VRK1: variants seen among roughly 807,000 people sequenced by gnomAD.
The protein encoded by VRK1 is VRK serine/threonine kinase 1.
In VRK1, 33 loss-of-function variants were observed where a neutral mutation model predicts 57.1. The ratio of observed to expected loss-of-function variants is 0.58; its 90% CI spans 0.44 to 0.77. The LOEUF (loss-of-function observed/expected upper bound fraction) is 0.77. Among genes scored for constraint, VRK1 ranks in the 30% least tolerant of loss-of-function variants. VRK1 has a pLI of 0.00. For synonymous variants in VRK1, 137 were observed against 147.8 expected, an observed-to-expected ratio of 0.93 and a Z score of 0.53; for missense variants, 413 against 477.3, an observed-to-expected ratio of 0.87 and a Z score of 1.25.
chr14:96,856,106 A>G (rs752341924), intron 8 of VRK1, 24 bp from the exon 9 acceptor site: 7 of 1,612,736 alleles, frequency 4.3e-6, no homozygotes, highest in East Asian at 2.2e-5. Flanking sequence ...CAGTCTACCT[A>G]ATGTTCTTCT....
intron 3 of VRK1, among the ~76,000 whole-genome samples, chr14:96,845,464 A>G (rs532763493): frequency 6.6e-6 from 1 of 152,346 alleles, no homozygotes; most frequent in African/African-American, 2.4e-5. Context: ...CATAAAATGA[A>G]TGTAGTCCAT....
intron 1 of VRK1, among the ~76,000 whole-genome samples, chr14:96,816,664 T>C (rs974865208): frequency 6.6e-5 from 10 of 152,110 alleles, no homozygotes; most frequent in Non-Finnish European, 1.3e-4. Flanking sequence ...GTAGAGTAAT[T>C]TGAGCAACAA....
At chr14:96,837,519 T>G (rs1319121875) in intron 2 of VRK1, among the ~76,000 whole-genome samples, 1 of 152,190 alleles carries the variant, frequency 6.6e-6, no homozygotes, top group Non-Finnish European at 1.5e-5. Flanking sequence ...TAACTCAGTT[T>G]CCCATATGTA....
At chr14:96,879,093 C>A (rs1403048961) in intron 12 of VRK1, among the ~76,000 whole-genome samples, 1 of 151,462 alleles carries the variant, frequency 6.6e-6, no homozygotes, top group Non-Finnish European at 1.5e-5. Context: ...CTTTTTTTTT[C>A]CTACTGCATT....
rs2230532 is a variant in VRK1 at position 96,855,352 on chromosome 14, C to T, written c.705C>T (p.Gly235=). The T allele has an allele frequency of 0.36, 582,695 of 1,613,562 alleles. 113,086 individuals carry two copies. The highest frequency in any genetic ancestry group is 0.83 in the East Asian group (37,403 of 44,854). The change falls in exon 8 of 13, where the codon GGC becomes GGT. Residue 235 remains glycine (G), a synonymous_variant. Coordinates refer to ENST00000216639, the MANE Select transcript of VRK1 (RefSeq NM_003384.3). ...IEFTSIDAHN[G]VAPSRRGDLE... ...TCACGAGCATCGATGCACACAATGG[C>T]GTGGGTATGTCAGTAGTACTGGAGT...
At chr14:96,845,510 GT>G (rs1887645973) in intron 3 of VRK1, among the ~76,000 whole-genome samples, 1 of 152,164 alleles carries the variant, frequency 6.6e-6, no homozygotes, top group African/African-American at 2.4e-5. Context: ...TGAGCCCCAT[GT>G]TTGGTTTGAC....
chr14:96,821,970 T>C (rs1886616015), intron 1 of VRK1, among the ~76,000 whole-genome samples: 1 of 50,384 alleles, frequency 2.0e-5, no homozygotes, highest in Non-Finnish European at 4.0e-5. Flanking sequence ...ATTCTCTCAC[T>C]TTTTTTTTTT....
At chr14:96,799,384 T>A (rs1306898554) in intron 1 of VRK1, among the ~76,000 whole-genome samples, 1 of 152,088 alleles carries the variant, frequency 6.6e-6, no homozygotes, top group Non-Finnish European at 1.5e-5. Flanking sequence ...AAGTGAAATG[T>A]CCCAGATGTC....
chr14:96,816,901 A>C (rs1325106470), intron 1 of VRK1, among the ~76,000 whole-genome samples: 2 of 152,222 alleles, frequency 1.3e-5, no homozygotes, highest in Non-Finnish European at 2.9e-5. Flanking sequence ...AAACTGGATA[A>C]ATTTGAACCC....
chr14:96,817,700 G>C (rs1216455836), intron 1 of VRK1, among the ~76,000 whole-genome samples: 1 of 152,144 alleles, frequency 6.6e-6, no homozygotes, highest in Non-Finnish European at 1.5e-5. Flanking sequence ...AATTGTAAAA[G>C]TTTGCTCACT....
intron 10 of VRK1, among the ~76,000 whole-genome samples, chr14:96,858,580 G>A (rs1349387185): frequency 6.6e-6 from 1 of 152,144 alleles, no homozygotes; most frequent in Middle Eastern, 3.2e-3. Context: ...TATTTGAGGA[G>A]GGGTCATGTA....
chr14:96,846,359 A>G (rs1887692032), intron 4 of VRK1, among the ~76,000 whole-genome samples, 195 bp downstream of exon 4: 1 of 152,184 alleles, frequency 6.6e-6, no homozygotes, highest in Non-Finnish European at 1.5e-5. Context: ...TTATCTATAT[A>G]GATACATAGA....
intron 1 of VRK1, among the ~76,000 whole-genome samples, chr14:96,820,171 G>A (rs1242708738): frequency 6.6e-6 from 1 of 151,938 alleles, no homozygotes; most frequent in Non-Finnish European, 1.5e-5. Context: ...CTATCCGATC[G>A]AGAAATGGTT....
chr14:96,829,416 G>T (rs956036452), intron 1 of VRK1, among the ~76,000 whole-genome samples: 3 of 151,990 alleles, frequency 2.0e-5, no homozygotes, highest in Non-Finnish European at 4.4e-5. Flanking sequence ...GTTGATTATT[G>T]TTTCTAAGCT....
At chr14:96,874,588 A>G (rs932158728) in intron 11 of VRK1, among the ~76,000 whole-genome samples, 1 of 152,212 alleles carries the variant, frequency 6.6e-6, no homozygotes, top group Non-Finnish European at 1.5e-5. Flanking sequence ...AAATCTGCTA[A>G]ATGAATGCCT....
At chr14:96,846,230 C>T in intron 4 of VRK1, 66 bp downstream of exon 4, 2 of 1,429,590 alleles carry the variant, frequency 1.4e-6, no homozygotes, top group East Asian at 4.6e-5. Context: ...TAAGCCAAGA[C>T]CTAGAGCATT....
chr14:96,819,576 A>G (rs1886519145), intron 1 of VRK1, among the ~76,000 whole-genome samples: 2 of 152,188 alleles, frequency 1.3e-5, no homozygotes, highest in African/African-American at 2.4e-5. Flanking sequence ...CATTATAACT[A>G]GGCTCAAACA....
Position 96,855,253 on chromosome 14 carries a change from T to C in VRK1, c.606T>C (p.Tyr202=), listed in dbSNP as rs1888106570. The change falls in exon 8 of 13, where the codon TAT becomes TAC. Residue 202 remains tyrosine, a synonymous_variant. Transcript: ENST00000216639. ...QVYLVDYGLA[Y]RYCPEGVHKE... is the part of the protein sequence containing the mutation. ...ACTTGGTAGATTATGGCCTTGCTTA[T>C]CGGTACTGCCCAGAAGGAGTTCATA... 1 of 1,613,970 alleles carries C rather than the reference T, an allele frequency of 6.2e-7. No individual in the cohort carries two copies.
At chr14:96,828,075 A>G (rs1886867114) in intron 1 of VRK1, among the ~76,000 whole-genome samples, 1 of 152,194 alleles carries the variant, frequency 6.6e-6, no homozygotes, top group Non-Finnish European at 1.5e-5. Context: ...AATGGAATAT[A>G]GTATGTACTC....
Sources: allele counts gnomAD v4.1 joint callset (sites outside exome capture counted in the v4.1 genomes callset), GRCh38; gene constraint gnomAD v4.1.1; transcripts MANE v1.5; gene names NCBI Gene and HGNC (gene_info 2026-07-23, HGNC 2026-07-21).